The following PTPRN2 variants were observed in gnomAD, a reference collection of about 807,000 sequenced individuals.
The protein encoded by PTPRN2 is receptor-type tyrosine-protein phosphatase N2.
PTPRN2 carries 74 observed loss-of-function variants against 118.8 expected under a neutral mutation model. The observed-to-expected ratio is 0.62, with a 90% CI of 0.52 to 0.76. The LOEUF (loss-of-function observed/expected upper bound fraction) is 0.76. Among genes scored for constraint, PTPRN2 ranks in the 30% least tolerant of loss-of-function variants. PTPRN2 has a pLI of 0.00. For synonymous variants in PTPRN2, 641 were observed against 608.0 expected, an observed-to-expected ratio of 1.05 and a Z score of -0.80; for missense variants, 1,481 against 1,394.4, an observed-to-expected ratio of 1.06 and a Z score of -0.99.
intron 12 of PTPRN2, among the ~76,000 whole-genome samples, chr7:157,713,162 G>T: frequency 6.6e-6 from 1 of 152,104 alleles, no homozygotes; most frequent in Non-Finnish European, 1.5e-5. Flanking sequence ...TCGCACTTGG[G>T]CAGGGCTCTT....
intron 12 of PTPRN2, among the ~76,000 whole-genome samples, chr7:157,895,076 T>A (rs1442882419): frequency 6.6e-6 from 1 of 151,092 alleles, no homozygotes; most frequent in African/African-American, 2.4e-5. Context: ...GGTCAGCAGA[T>A]GTGATGAGCA....
intron 3 of PTPRN2, among the ~76,000 whole-genome samples, chr7:158,290,752 G>A (rs1222883499): frequency 1.3e-5 from 2 of 152,172 alleles, no homozygotes; most frequent in Admixed American, 1.3e-4. Context: ...CCTTTTCAGT[G>A]CATCTTATTT....
intron 3 of PTPRN2, among the ~76,000 whole-genome samples, chr7:158,260,342 G>A (rs1358724906): frequency 1.3e-5 from 2 of 152,184 alleles, no homozygotes; most frequent in Non-Finnish European, 1.5e-5. Flanking sequence ...TCAGCACACA[G>A]CTCAAATGTT....
At chr7:158,519,415 G>T (rs1341335098) in intron 1 of PTPRN2, among the ~76,000 whole-genome samples, 3 of 152,136 alleles carry the variant, frequency 2.0e-5, no homozygotes, top group African/African-American at 7.2e-5. Context: ...CTAGGGCTGA[G>T]TCAGAAGTGC....
Position 157,571,501 on chromosome 7 carries a change from A to G in PTPRN2, c.2784-8T>C. On this transcript the variant is annotated splice_polypyrimidine_tract_variant and splice_region_variant and intron_variant, in intron 19 of 22. Coordinates refer to ENST00000389418, the MANE Select transcript of PTPRN2 (RefSeq NM_002847.5). ...TAGCACTTGTTTACTTTTCTGAAAT[A>G]AAAAGAGATATAAAAATTATCGTTG... 6.3e-7 allele frequency: 1 copy of G among 1,599,482 alleles called. No homozygotes were observed.
chr7:157,814,720 T>A (rs1168491023), intron 12 of PTPRN2, among the ~76,000 whole-genome samples: 1 of 152,134 alleles, frequency 6.6e-6, no homozygotes, highest in Non-Finnish European at 1.5e-5. Flanking sequence ...GAACACAGAG[T>A]GATGGGGCCC....
At chr7:157,898,544 T>C in intron 12 of PTPRN2, 129 bp downstream of exon 12, 3 of 940,342 alleles carry the variant, frequency 3.2e-6, no homozygotes, top group Non-Finnish European at 5.0e-6. Context: ...TGCAGCCCAC[T>C]GGTCCTCCCA....
At chr7:158,231,254 T>A (rs571599589) in intron 3 of PTPRN2, among the ~76,000 whole-genome samples, 1 of 152,262 alleles carries the variant, frequency 6.6e-6, no homozygotes, top group Admixed American at 6.5e-5. Flanking sequence ...TAAGAGAATG[T>A]GACCCTGTCT....
intron 2 of PTPRN2, among the ~76,000 whole-genome samples, chr7:158,385,440 T>C (rs917489910): frequency 3.8e-4 from 58 of 152,238 alleles, no homozygotes; most frequent in African/African-American, 1.4e-3. Context: ...AATCTCACTG[T>C]ATAGCAAGCA....
intron 2 of PTPRN2, among the ~76,000 whole-genome samples, chr7:158,344,910 T>C (rs1283190668): frequency 6.6e-6 from 1 of 152,166 alleles, no homozygotes; most frequent in Non-Finnish European, 1.5e-5. Context: ...GTCAGCCCTG[T>C]GAGGTGAGAA....
At chr7:158,026,250 C>T (rs1297542518) in intron 11 of PTPRN2, among the ~76,000 whole-genome samples, 1 of 152,198 alleles carries the variant, frequency 6.6e-6, no homozygotes, top group Non-Finnish European at 1.5e-5. Flanking sequence ...GATATATTTT[C>T]CCTAACAGTA....
intron 9 of PTPRN2, among the ~76,000 whole-genome samples, chr7:158,129,876 G>C (rs1818030740): frequency 6.6e-6 from 1 of 152,182 alleles, no homozygotes; most frequent in South Asian, 2.1e-4. Flanking sequence ...AGGAGAGCAA[G>C]GGCACAGACA....
At chr7:157,636,845 C>T (rs1423647804) in intron 14 of PTPRN2, among the ~76,000 whole-genome samples, 2 of 152,226 alleles carry the variant, frequency 1.3e-5, no homozygotes, top group Non-Finnish European at 2.9e-5. Flanking sequence ...ATTAAATCCT[C>T]TCATTCCATT....
Position 158,526,997 on chromosome 7 carries a change from G to A in PTPRN2, c.113-37212C>T, listed in dbSNP as rs1426288222. Among the ~76,000 whole-genome samples, 6 of 152,090 alleles carry A rather than the reference G, an allele frequency of 3.9e-5. No homozygotes were observed. Among genetic ancestry groups the A allele is most frequent in the Non-Finnish European group, 7.4e-5 (5 of 68,022 alleles). On this transcript the variant is annotated intron_variant, in intron 1 of 22. Transcript: ENST00000389418. This position sits in a 1 kb window ranked among gnomAD's most constrained non-coding sequence, Gnocchi z 5.2. ...GTGACCTCCTCAAACCTTCATAAAG[G>A]CATAACTTGTAACAACACAAGTTAT...
chr7:158,018,935 G>A (rs141758856), intron 11 of PTPRN2, among the ~76,000 whole-genome samples: 16 of 143,944 alleles, frequency 1.1e-4, no homozygotes, highest in African/African-American at 2.9e-4. Flanking sequence ...ACTCCAGCCT[G>A]GCAGACAAGA....
chr7:158,237,748 C>CTGT lies in PTPRN2; in HGVS notation c.278-32476_278-32475insACA, dbSNP rs1795617478. 1.3e-5 allele frequency among the ~76,000 whole-genome samples: 2 copies of CTGT among 151,380 alleles called. 1 individual carries two copies. Among genetic ancestry groups the CTGT allele is most frequent in the Non-Finnish European group, 2.9e-5 (2 of 67,862 alleles). ...ACACCCACAGGTGTGTAGGGGCAAC[C>CTGT]CACCCCTACACTCTGCCACTTCGCC... On this transcript the variant is annotated intron_variant, in intron 3 of 22. Transcript: ENST00000389418.
At chr7:157,937,586 C>T (rs1479362112) in intron 11 of PTPRN2, among the ~76,000 whole-genome samples, 2 of 152,224 alleles carry the variant, frequency 1.3e-5, no homozygotes, top group Non-Finnish European at 2.9e-5. Flanking sequence ...CCACCTTTCC[C>T]ACCCAGGAGA....
At chr7:158,062,537 G>C (rs1022215290) in intron 11 of PTPRN2, among the ~76,000 whole-genome samples, 4 of 152,136 alleles carry the variant, frequency 2.6e-5, no homozygotes, top group Non-Finnish European at 1.5e-5. Context: ...GCCAAGGCCT[G>C]AGCCGGCTCC....
intron 11 of PTPRN2, among the ~76,000 whole-genome samples, chr7:158,048,132 TAC>T (rs111759966): frequency 0.071 from 10,598 of 149,752 alleles, 543 homozygotes; most frequent in African/African-American, 0.15. Flanking sequence ...CACATATGTA[TAC>T]ACACACACAC....
Sources: allele counts gnomAD v4.1 joint callset (sites outside exome capture counted in the v4.1 genomes callset), GRCh38; gene constraint gnomAD v4.1.1; non-coding constraint Gnocchi (gnomAD v3.1); transcripts MANE v1.5; gene names NCBI Gene and HGNC (gene_info 2026-07-23, HGNC 2026-07-21).